The following RAD54L2 variants were observed in gnomAD, a reference collection of about 807,000 sequenced individuals.
RAD54L2 encodes the protein RAD54 like 2, also known as helicase ARIP4.
RAD54L2 carries 27 observed loss-of-function variants against 138.4 expected under a neutral mutation model. The observed-to-expected ratio is 0.20, with a 90% CI of 0.14 to 0.27. The LOEUF (loss-of-function observed/expected upper bound fraction) is 0.27. Among genes scored for constraint, RAD54L2 ranks in the 10% least tolerant of loss-of-function variants. The pLI, the probability that RAD54L2 is intolerant of heterozygous loss-of-function variation, is 1.00. For synonymous variants in RAD54L2, 644 were observed against 723.2 expected, an observed-to-expected ratio of 0.89 and a Z score of 1.76; for missense variants, 1,396 against 1,890.2, an observed-to-expected ratio of 0.74 and a Z score of 4.85.
rs1193221452 is a variant in RAD54L2 at position 51,630,893 on chromosome 3, C to G, written c.787C>G (p.Leu263Val). ...CCCTCCAGAGGAGGAAAATGTCTTCCTTGCCCCACAGTTGGCACGGGCTGT... is the reference window on the plus strand; with the variant it reads ...CCCTCCAGAGGAGGAAAATGTCTTCGTTGCCCCACAGTTGGCACGGGCTGT... ...NHPPEEENVF[L>V]APQLARAVKP... Residue 263 changes from leucine to valine, a missense_variant, in exon 7 of 23, where the codon CTT becomes GTT. Physicochemically the swap from Leu to Val is conservative, Grantham distance 32. Around this residue, in one of 7 missense-constraint regions of RAD54L2, gnomAD observed 256 missense variants for 344.6 expected, o/e 0.74. Coordinates refer to ENST00000684192, the MANE Select transcript of RAD54L2 (RefSeq NM_015106.4). The G allele has an allele frequency of 3.7e-6, 6 of 1,613,876 alleles. No individual in the cohort carries two copies. The Admixed American group carries it at 1.0e-4, about 27-fold the overall frequency.
Position 51,638,155 on chromosome 3 carries a change from C to T in RAD54L2, c.1694C>T (p.Thr565Ile). 6.2e-7 allele frequency: 1 copy of T among 1,613,952 alleles called. No homozygotes were observed. The highest frequency in any genetic ancestry group is 1.1e-5 in the South Asian group (1 of 91,070). The part of the protein sequence containing the change: ...LEGFVQRRGH[T>I]VLKIHLPAKE... ...GTTTGCCTCCATAGGAGAGGCCACA[C>T]TGTGCTGAAGATTCATCTCCCTGCC... is the stretch of plus-strand genomic sequence containing the variant. The change falls in exon 12 of 23, where the codon ACT (threonine) becomes ATT (isoleucine). Residue 565 changes from threonine (T) to isoleucine (I), a missense_variant. Physicochemically the swap from Thr to Ile is moderately conservative, Grantham distance 89. Around this residue, in one of 7 missense-constraint regions of RAD54L2, gnomAD observed 36 missense variants for 107.2 expected, o/e 0.34. Transcript: ENST00000684192. This position sits in a 1 kb window ranked among gnomAD's most constrained non-coding sequence, Gnocchi z 4.3.
At chr3:51,641,709 A>C in intron 14 of RAD54L2, 40 bp from the exon 15 acceptor site, 4 of 1,366,296 alleles carry the variant, frequency 2.9e-6, no homozygotes. Context: ...ATGTTCCCTC[A>C]ATTCTGGGAG....
chr3:51,648,997 A>G (rs1258693862), intron 19 of RAD54L2, among the ~76,000 whole-genome samples: 1 of 152,154 alleles, frequency 6.6e-6, no homozygotes, highest in African/African-American at 2.4e-5. Context: ...AGTGGTAACA[A>G]ACTTCTCCAA....
rs151112093 is a variant in RAD54L2 at position 51,663,168 on chromosome 3, C to G, written c.4152C>G (p.Leu1384=). Residue 1384 remains leucine (L), a synonymous_variant, in exon 23 of 23, where the codon CTC becomes CTG. Transcript: ENST00000684192. ...CAGGGATACTACCCAGCTATTCACT[C>G]CCATTCTCACAGCCACTCCTGTCCG... The part of the protein sequence containing the change: ...SVPGILPSYS[L]PFSQPLLSEP... The G allele has an allele frequency of 3.1e-5, 50 of 1,613,890 alleles. No individual in the cohort carries two copies. Among genetic ancestry groups the G allele is most frequent in the Non-Finnish European group, 4.1e-5 (48 of 1,179,904 alleles).
intron 22 of RAD54L2, among the ~76,000 whole-genome samples, chr3:51,660,538 C>T (rs1701737478): frequency 6.6e-6 from 1 of 152,000 alleles, no homozygotes; most frequent in Non-Finnish European, 1.5e-5. Context: ...GTCTTGATCT[C>T]CTGACCTCGT....
intron 19 of RAD54L2, among the ~76,000 whole-genome samples, chr3:51,653,997 A>G (rs975317834): frequency 6.6e-6 from 1 of 152,222 alleles, no homozygotes; most frequent in African/African-American, 2.4e-5. Context: ...AAACTTGCCA[A>G]ATAAGTCTCA....
rs907781578 is a variant in RAD54L2, at chr3:51,650,248, T to C, written c.3026+3767T>C. The stretch of plus-strand genomic sequence containing the variant: ...CAAGAAGAGCTAACTATGCTAAATA[T>C]ATATGCACCCAATACAGGAGCACCC... On this transcript the variant is annotated intron_variant, in intron 19 of 22. Coordinates refer to ENST00000684192, the MANE Select transcript of RAD54L2 (RefSeq NM_015106.4). Among the ~76,000 whole-genome samples the C allele has an allele frequency of 3.3e-5, 5 of 152,198 alleles. No homozygotes were observed. In the East Asian group the frequency reaches 9.6e-4, roughly 29 times the overall value.
intron 3 of RAD54L2, among the ~76,000 whole-genome samples, chr3:51,616,057 A>G (rs898138378): frequency 2.0e-5 from 3 of 152,128 alleles, no homozygotes; most frequent in Non-Finnish European, 4.4e-5. Context: ...TAATACATTC[A>G]TATTTTTCAA....
At chr3:51,593,881 T>C (rs1699894922) in intron 3 of RAD54L2, among the ~76,000 whole-genome samples, 1 of 152,114 alleles carries the variant, frequency 6.6e-6, no homozygotes, top group African/African-American at 2.4e-5. Flanking sequence ...TTCAGATGTT[T>C]TTCTACGTAA....
At chr3:51,577,005 C>T (rs1391784931) in intron 2 of RAD54L2, among the ~76,000 whole-genome samples, 1 of 152,224 alleles carries the variant, frequency 6.6e-6, no homozygotes, top group African/African-American at 2.4e-5. Context: ...TTCCTCTACA[C>T]ACTGCTTTAA....
intron 2 of RAD54L2, among the ~76,000 whole-genome samples, chr3:51,583,524 A>G (rs750569055): frequency 2.6e-5 from 4 of 151,458 alleles, no homozygotes; most frequent in Non-Finnish European, 5.9e-5. Flanking sequence ...GGTTCAAGCA[A>G]TTATCCTGCC....
intron 2 of RAD54L2, among the ~76,000 whole-genome samples, chr3:51,561,476 C>T (rs1396907919): frequency 6.6e-6 from 1 of 152,132 alleles, no homozygotes; most frequent in East Asian, 1.9e-4. Context: ...AACTCCTGAC[C>T]TCAGGTGATC....
At chr3:51,634,101 A>C in intron 9 of RAD54L2, 66 bp downstream of exon 9, 1 of 1,556,032 alleles carries the variant, frequency 6.4e-7, no homozygotes, top group African/African-American at 1.4e-5. Context: ...TCTGATGTTA[A>C]GGCAGTCTCT....
intron 19 of RAD54L2, among the ~76,000 whole-genome samples, chr3:51,655,699 A>G (rs575561556): frequency 6.6e-6 from 1 of 152,258 alleles, no homozygotes; most frequent in East Asian, 1.9e-4. Context: ...AGAGGAGCAA[A>G]TATTGTCTCC....
Position 51,637,081 on chromosome 3 carries a change from G to A in RAD54L2, c.1340-80G>A. The A allele has an allele frequency of 8.0e-7, 1 of 1,242,358 alleles. No homozygotes were observed. The highest frequency in any genetic ancestry group is 1.1e-6 in the Non-Finnish European group (1 of 875,518). The allele number at this position is 1,242,358 out of a possible 1,614,324, so 77.0% of individuals were successfully genotyped here. A position where few individuals can be genotyped will look rare whatever the true frequency, so the allele number is the denominator to read the frequency against. Reference sequence around the variant, plus strand: ...TCCTTCATTTCTTCTGTCTCCTCCAGGGTGCACCCCTACTTCTCATATTAT... The same window carrying A: ...TCCTTCATTTCTTCTGTCTCCTCCAAGGTGCACCCCTACTTCTCATATTAT... On this transcript the variant is annotated intron_variant, in intron 10 of 22. Coordinates refer to ENST00000684192, the MANE Select transcript of RAD54L2 (RefSeq NM_015106.4). The surrounding 1 kb of genome is among the most constrained non-coding windows in gnomAD (Gnocchi z 5.9).
rs200266562 is a variant in RAD54L2, at chr3:51,663,379, G to A, written c.4363G>A (p.Glu1455Lys). Residue 1455 changes from glutamate (E) to lysine (K), a missense_variant, in exon 23 of 23, where the codon GAG becomes AAG. Physicochemically the swap from Glu to Lys is moderately conservative, Grantham distance 56. This residue lies in a region of RAD54L2 where 634 missense variants were observed against 711.2 expected (regional missense o/e 0.89). Transcript: ENST00000684192. The part of the protein sequence containing the change: ...AEVGFSSNDD[E>K]DKDDDVIEVT... ...GGTTGGGTTCAGCTCCAATGATGAT[G>A]AGGATAAAGACGATGATGTGATAGA... The A allele has an allele frequency of 6.2e-7, 1 of 1,613,826 alleles. No homozygotes were observed. Among genetic ancestry groups the A allele is most frequent in the East Asian group, 2.2e-5 (1 of 44,856 alleles).
chr3:51,634,292 G>T (rs1250740445), intron 9 of RAD54L2, among the ~76,000 whole-genome samples: 1 of 150,468 alleles, frequency 6.6e-6, no homozygotes, highest in Non-Finnish European at 1.5e-5. Context: ...ATGTGGGCAT[G>T]GTCATATTTT....
chr3:51,615,070 A>G (rs1234948060), intron 3 of RAD54L2, among the ~76,000 whole-genome samples: 2 of 151,970 alleles, frequency 1.3e-5, no homozygotes, highest in African/African-American at 4.8e-5. Context: ...CTGTAGTGCA[A>G]TGGCGTGATC....
At position 51,633,609 on chromosome 3, in the gene RAD54L2, A is replaced by G. The variant is rs1170173594; in HGVS notation, c.858A>G (p.Leu286=). 3 of 1,613,774 alleles carry G rather than the reference A, an allele frequency of 1.9e-6. No individual in the cohort carries two copies. Among genetic ancestry groups the G allele is most frequent in the South Asian group, 1.1e-5 (1 of 91,078 alleles). The change falls in exon 8 of 23, where the codon CTA becomes CTG. Residue 286 remains leucine (L), a synonymous_variant. Coordinates refer to ENST00000684192, the MANE Select transcript of RAD54L2 (RefSeq NM_015106.4). ...GGATCCGGTTCCTTTACGATAACCT[A>G]GTGGAGTCTCTGGAGAGGTTTAAGA... ...IGGIRFLYDN[L]VESLERFKTS...
Sources: gnomAD v4.1 joint callset for allele counts (sites outside exome capture counted in the v4.1 genomes callset) on GRCh38, gnomAD v4.1.1 for gene constraint, gnomAD v4.1.1 regional missense constraint, Gnocchi (gnomAD v3.1) non-coding constraint, MANE v1.5 for transcripts, NCBI Gene and HGNC (gene_info 2026-07-23, HGNC 2026-07-21) for gene names.